Variants in ROBO2 observed in about 807,000 individuals in gnomAD.
ROBO2 encodes roundabout homolog 2.
Under a neutral mutation model 160.8 loss-of-function variants are expected in ROBO2, and 53 were observed. The ratio of observed to expected loss-of-function variants is 0.33; its 90% confidence interval spans 0.26 to 0.41. The LOEUF (loss-of-function observed/expected upper bound fraction) is 0.41. Ranked by LOEUF, ROBO2 falls within the 10% of genes least tolerant of loss-of-function variation. The pLI is 1.00. For synonymous variants in ROBO2, 664 were observed against 611.7 expected (o/e 1.09, Z -1.26); for missense variants, 1,577 against 1,722.4 (o/e 0.92, Z 1.49).
exon 26 of ROBO2, chr3:77,648,140 C>T (rs1477212577): frequency 2.0e-5 from 3 of 152,162 alleles, no homozygotes; most frequent in Non-Finnish European, 4.4e-5. Flanking sequence ...TGAAAAGTTT[C>T]TTCAAAGAGT....
chr3:76,514,018 A>T (rs1282302374), intron 2 of ROBO2, among the ~76,000 whole-genome samples: 2 of 152,186 alleles, frequency 1.3e-5, no homozygotes, highest in Non-Finnish European at 2.9e-5. Flanking sequence ...ATTAGAATTG[A>T]TGTACTTTAA....
At chr3:76,305,929 A>C (rs1204486424) in intron 2 of ROBO2, among the ~76,000 whole-genome samples, 1 of 151,490 alleles carries the variant, frequency 6.6e-6, no homozygotes, top group Non-Finnish European at 1.5e-5. Flanking sequence ...CACTATGGAG[A>C]TTTTCTTCTG....
chr3:76,792,189 G>A (rs1431261222), intron 2 of ROBO2, among the ~76,000 whole-genome samples: 3 of 151,826 alleles, frequency 2.0e-5, no homozygotes, highest in Admixed American at 2.0e-4. Context: ...CTAAAATGTG[G>A]CTCAATAATA....
chr3:77,277,149 CTTCT>C (rs1171945099), intron 2 of ROBO2, among the ~76,000 whole-genome samples: 94 of 100,058 alleles, frequency 9.4e-4, no homozygotes, highest in African/African-American at 3.2e-3. Context: ...TCCTTCTTTC[CTTCT>C]TTCCTTCTTT....
rs1054296426 is a variant in ROBO2, at chr3:76,696,375, G to A, written c.110-401639G>A. Among the ~76,000 whole-genome samples, 5 of 112,634 alleles carry A rather than the reference G, an allele frequency of 4.4e-5. No individual in the cohort carries two copies. In the South Asian group the frequency reaches 1.6e-3, roughly 35 times the overall value. 73.9% of individuals were successfully genotyped at this position (112,634 alleles called of 152,430 possible). A position where few individuals can be genotyped will look rare whatever the true frequency, so the allele number is the denominator to read the frequency against. On this transcript the variant is annotated intron_variant, in intron 2 of 26. Coordinates refer to the ROBO2 transcript ENST00000487694. ...TTTTTAAATAAATACAATTTTAAAT[G>A]GATCTCTTTTTTTTTTTTTCAGTTG...
At chr3:77,530,233 G>T (rs1202912594) in intron 6 of ROBO2, among the ~76,000 whole-genome samples, 2 of 151,902 alleles carry the variant, frequency 1.3e-5, no homozygotes, top group African/African-American at 4.8e-5. Context: ...AACGTTTAGA[G>T]AAATTTCAGA....
At chr3:76,233,974 C>T (rs181673823) in intron 2 of ROBO2, among the ~76,000 whole-genome samples, 35 of 152,264 alleles carry the variant, frequency 2.3e-4, no homozygotes, top group South Asian at 8.3e-4. Context: ...TCTCTTCCCA[C>T]GCTCCAACCT....
intron 2 of ROBO2, among the ~76,000 whole-genome samples, chr3:76,805,558 T>C (rs1364530296): frequency 6.6e-6 from 1 of 151,986 alleles, no homozygotes; most frequent in Admixed American, 6.6e-5. Flanking sequence ...AATGTATATA[T>C]TTCATAGATT....
intron 2 of ROBO2, among the ~76,000 whole-genome samples, chr3:77,239,134 G>A (rs902707815): frequency 6.6e-6 from 1 of 152,052 alleles, no homozygotes; most frequent in Non-Finnish European, 1.5e-5. Flanking sequence ...ATGAAGCCAC[G>A]GACCCTCACG....
chr3:76,386,363 C>T (rs1553730341), intron 2 of ROBO2, among the ~76,000 whole-genome samples: 1 of 100,052 alleles, frequency 1.0e-5, no homozygotes, highest in Non-Finnish European at 2.2e-5. Flanking sequence ...CCCTCCCTTC[C>T]TTCCTCCCCT....
At chr3:76,576,701 C>CTTTTTTTTTTTTTTTTTTTTT (rs56404865) in intron 2 of ROBO2, among the ~76,000 whole-genome samples, 1 of 62,392 alleles carries the variant, frequency 1.6e-5, no homozygotes. Flanking sequence ...CATTTTCTTT[C>CTTTTTTTTTTTTTTTTTTTTT]TTTTTTTTTT....
At chr3:77,101,820 A>C (rs1424669133) in intron 2 of ROBO2, among the ~76,000 whole-genome samples, 3 of 152,154 alleles carry the variant, frequency 2.0e-5, no homozygotes, top group Admixed American at 1.3e-4. Flanking sequence ...TGGGTGGATC[A>C]CTTGAGGCCA....
intron 2 of ROBO2, among the ~76,000 whole-genome samples, chr3:76,251,997 T>C (rs1201923162): frequency 6.6e-6 from 1 of 151,972 alleles, no homozygotes; most frequent in Non-Finnish European, 1.5e-5. Flanking sequence ...AGAAGCAAGT[T>C]ACAGGTTTTG....
intron 18 of ROBO2, among the ~76,000 whole-genome samples, chr3:77,596,180 C>T (rs2094299080): frequency 6.6e-6 from 1 of 152,162 alleles, no homozygotes; most frequent in Non-Finnish European, 1.5e-5. Flanking sequence ...CCAAATCAAG[C>T]ATGAGGGCTC....
chr3:75,955,497 G>A (rs908957370), intron 2 of ROBO2, among the ~76,000 whole-genome samples: 1 of 151,454 alleles, frequency 6.6e-6, no homozygotes, highest in Admixed American at 6.6e-5. Flanking sequence ...GTTTAGGGGG[G>A]AGGGGAGGGA....
chr3:77,289,250 T>A (rs1012752764), intron 2 of ROBO2, among the ~76,000 whole-genome samples: 2 of 152,146 alleles, frequency 1.3e-5, no homozygotes, highest in African/African-American at 4.8e-5. Context: ...TTGAGGTAAG[T>A]TCCTTTGGAA....
intron 2 of ROBO2, among the ~76,000 whole-genome samples, chr3:76,977,460 CT>C (rs2059869154): frequency 6.6e-6 from 1 of 152,010 alleles, no homozygotes; most frequent in Non-Finnish European, 1.5e-5. Flanking sequence ...TTGAAAAATA[CT>C]TTTCTTTATG....
At chr3:76,964,662 A>C (rs1330898168) in intron 2 of ROBO2, among the ~76,000 whole-genome samples, 1 of 152,154 alleles carries the variant, frequency 6.6e-6, no homozygotes. Flanking sequence ...AAAATAATAA[A>C]GTTTGATTCA....
At chr3:77,020,588 A>C (rs2062568656) in intron 2 of ROBO2, among the ~76,000 whole-genome samples, 1 of 152,198 alleles carries the variant, frequency 6.6e-6, no homozygotes, top group East Asian at 1.9e-4. Flanking sequence ...AATGTCCAAC[A>C]ATAAGGGGAC....
Sources: allele counts gnomAD v4.1 joint callset (sites outside exome capture counted in the v4.1 genomes callset), GRCh38; gene constraint gnomAD v4.1.1; transcripts MANE v1.5; gene names NCBI Gene and HGNC (gene_info 2026-07-23, HGNC 2026-07-21).